ZCWPW2: variants seen among roughly 807,000 people sequenced by gnomAD.
The protein encoded by ZCWPW2 is zinc finger CW-type and PWWP domain containing 2.
A neutral mutation model predicts 46.6 loss-of-function variants in ZCWPW2; 45 were observed. The observed-to-expected ratio is 0.96, with a 90% CI of 0.76 to 1.24. The LOEUF (loss-of-function observed/expected upper bound fraction) is 1.24, where lower values mean the gene tolerates loss of function less well. Among genes scored for constraint, ZCWPW2 ranks in the 50% most tolerant of loss-of-function variants. ZCWPW2 has a pLI of 0.00. For missense variants in ZCWPW2, 429 were observed against 403.9 expected (o/e 1.06, Z -0.53); for synonymous variants, 152 against 137.1 (o/e 1.11, Z -0.76).
At chr3:28,405,697 A>C (rs913379447) in intron 2 of ZCWPW2, among the ~76,000 whole-genome samples, 2 of 152,006 alleles carry the variant, frequency 1.3e-5, no homozygotes, top group African/African-American at 4.8e-5. Flanking sequence ...GCTGGTCTCT[A>C]ACTCCTGACC....
At chr3:28,420,552 C>T (rs1559497114) in intron 3 of ZCWPW2, among the ~76,000 whole-genome samples, 1 of 150,500 alleles carries the variant, frequency 6.6e-6, no homozygotes, top group African/African-American at 2.4e-5. Flanking sequence ...CACTTTCTCA[C>T]TTTTTTTTAG....
intron 5 of ZCWPW2, among the ~76,000 whole-genome samples, chr3:28,484,180 T>C (rs946195557): frequency 6.6e-6 from 1 of 152,150 alleles, no homozygotes; most frequent in Admixed American, 6.5e-5. Flanking sequence ...GTTTTTTTTT[T>C]TCATACGCTT....
chr3:28,355,708 C>T (rs561158115), intron 1 of ZCWPW2, among the ~76,000 whole-genome samples: 1 of 152,296 alleles, frequency 6.6e-6, no homozygotes, highest in African/African-American at 2.4e-5. Context: ...CATCTACAAC[C>T]ATCTGATCTT....
chr3:28,479,383 T>A lies in ZCWPW2; in HGVS notation c.610+452T>A, dbSNP rs938225189. Among the ~76,000 whole-genome samples, 31 of 151,580 alleles carry A rather than the reference T, an allele frequency of 2.0e-4. No individual in the cohort carries two copies. The East Asian group carries it at 5.6e-3, about 27-fold the overall frequency. On this transcript the variant is annotated intron_variant, in intron 5 of 9. Coordinates refer to ENST00000383768, the MANE Select transcript of ZCWPW2 (RefSeq NM_001040432.4). ...AGGAATAGAAGAAAAACTTCAACTT[T>A]AAAAAAAAACTAGGTGAAAAATTGT...
intron 4 of ZCWPW2, among the ~76,000 whole-genome samples, chr3:28,457,736 A>G (rs1207118614): frequency 6.6e-6 from 1 of 152,236 alleles, no homozygotes; most frequent in African/African-American, 2.4e-5. Flanking sequence ...TACATAGCAG[A>G]GTTTACAACT....
rs1700840534 is a variant in ZCWPW2, at chr3:28,526,196, A to T, written c.*1508A>T. Among the ~76,000 whole-genome samples the T allele has an allele frequency of 6.6e-6, 1 of 152,202 alleles. No individual in the cohort carries two copies. Among genetic ancestry groups the T allele is most frequent in the Non-Finnish European group, 1.5e-5 (1 of 68,042 alleles). On this transcript the variant is annotated 3_prime_UTR_variant, in exon 10 of 10. Coordinates refer to ENST00000383768, the MANE Select transcript of ZCWPW2 (RefSeq NM_001040432.4). ...TCTTCTGTTTACTCTTTGCAAAGAG[A>T]ACCAAGTATGTGTTTAAATATATTG... is the stretch of plus-strand genomic sequence containing the variant.
At chr3:28,369,882 G>C (rs879612721) in intron 1 of ZCWPW2, among the ~76,000 whole-genome samples, 3 of 152,176 alleles carry the variant, frequency 2.0e-5, no homozygotes, top group Non-Finnish European at 4.4e-5. Flanking sequence ...CAGCCTCGCT[G>C]CCACCTTGCA....
chr3:28,474,427 G>C (rs1298371802), intron 4 of ZCWPW2, among the ~76,000 whole-genome samples: 1 of 152,046 alleles, frequency 6.6e-6, no homozygotes, highest in Admixed American at 6.6e-5. Context: ...TTTTATTTCA[G>C]CATTGCTTCC....
chr3:28,404,568 T>G (rs1191005791), intron 2 of ZCWPW2, among the ~76,000 whole-genome samples: 3 of 152,154 alleles, frequency 2.0e-5, no homozygotes, highest in East Asian at 3.9e-4. Context: ...AAAATGTACC[T>G]GCACATTCAT....
intron 3 of ZCWPW2, among the ~76,000 whole-genome samples, chr3:28,423,260 AT>A (rs1352946518): frequency 6.7e-6 from 1 of 149,054 alleles, no homozygotes; most frequent in Admixed American, 6.7e-5. Flanking sequence ...TTGATGTTAT[AT>A]CCCCACTTTT....
At chr3:28,436,029 CT>C (rs970101553) in intron 4 of ZCWPW2, among the ~76,000 whole-genome samples, 7 of 152,022 alleles carry the variant, frequency 4.6e-5, no homozygotes, top group Non-Finnish European at 1.0e-4. Context: ...TCTTTTTAAA[CT>C]TTAAATCTCA....
At chr3:28,353,638 G>A (rs1419254535) in intron 1 of ZCWPW2, among the ~76,000 whole-genome samples, 2 of 152,154 alleles carry the variant, frequency 1.3e-5, no homozygotes, top group Non-Finnish European at 2.9e-5. Flanking sequence ...ACTTAAAAAT[G>A]TTTGCATTCA....
rs961875146 is a variant in ZCWPW2 at position 28,487,399 on chromosome 3, G to A, written c.611-4728G>A. On this transcript the variant is annotated intron_variant, in intron 5 of 9. Coordinates refer to ENST00000383768, the MANE Select transcript of ZCWPW2 (RefSeq NM_001040432.4). ...AGCCATGTCGAGTCTACTGATGAGCGCATAAAACACATTCTTCATTTATGT... is the reference window on the plus strand; with the variant it reads ...AGCCATGTCGAGTCTACTGATGAGCACATAAAACACATTCTTCATTTATGT... Among the ~76,000 whole-genome samples, 8 of 152,126 alleles carry A rather than the reference G, an allele frequency of 5.3e-5. No homozygotes were observed. In the East Asian group the frequency reaches 7.7e-4, roughly 15 times the overall value.
At chr3:28,363,647 C>T (rs1389886818) in intron 1 of ZCWPW2, among the ~76,000 whole-genome samples, 1 of 152,088 alleles carries the variant, frequency 6.6e-6, no homozygotes, top group East Asian at 1.9e-4. Context: ...TTATCAAGCT[C>T]TCACTCTCCA....
chr3:28,354,414 T>A (rs369379961), intron 1 of ZCWPW2, among the ~76,000 whole-genome samples: 1 of 141,482 alleles, frequency 7.1e-6, no homozygotes, highest in African/African-American at 2.5e-5. Context: ...AGCCAAATTC[T>A]ACCAGAGGTA....
intron 1 of ZCWPW2, among the ~76,000 whole-genome samples, chr3:28,380,083 C>T (rs1694980313): frequency 6.6e-6 from 1 of 151,940 alleles, no homozygotes. Context: ...CCCGGGTTCA[C>T]ACTGTTCTCC....
chr3:28,380,010 T>A (rs1370981052), intron 1 of ZCWPW2, among the ~76,000 whole-genome samples: 1 of 152,052 alleles, frequency 6.6e-6, no homozygotes, highest in Non-Finnish European at 1.5e-5. Flanking sequence ...TGAGATGGAG[T>A]CTAGCTCTGT....
chr3:28,478,389 TG>T (rs1477481484), intron 4 of ZCWPW2: 1 of 230,260 alleles, frequency 4.3e-6, no homozygotes, highest in African/African-American at 2.4e-5. Context: ...GAATTACAGG[TG>T]TGAACCACTG....
chr3:28,518,945 C>T (rs1700650486), intron 8 of ZCWPW2, among the ~76,000 whole-genome samples: 1 of 152,098 alleles, frequency 6.6e-6, no homozygotes, highest in Non-Finnish European at 1.5e-5. Flanking sequence ...AAAAGTGCTT[C>T]AATAAAAAAC....
Sources: allele counts gnomAD v4.1 joint callset (sites outside exome capture counted in the v4.1 genomes callset), GRCh38; gene constraint gnomAD v4.1.1; transcripts MANE v1.5; gene names NCBI Gene and HGNC (gene_info 2026-07-23, HGNC 2026-07-21).